Variants in TMEM26 observed in about 807,000 individuals in gnomAD.
TMEM26 encodes transmembrane protein 26.
A neutral mutation model predicts 28.8 loss-of-function variants in TMEM26; 38 were observed. The observed-to-expected ratio is 1.32, with a 90% CI of 1.02 to 1.73. The LOEUF (loss-of-function observed/expected upper bound fraction) is 1.73. TMEM26 is among the 40% of genes most tolerant of loss of function. The pLI is 0.00. For missense variants in TMEM26, 518 were observed against 447.1 expected (o/e 1.16, Z -1.43); for synonymous variants, 227 against 182.9 (o/e 1.24, Z -1.95).
At chr10:61,420,686 C>T (rs1839731129) in intron 4 of TMEM26, among the ~76,000 whole-genome samples, 1 of 150,294 alleles carries the variant, frequency 6.7e-6, no homozygotes, top group Non-Finnish European at 1.5e-5. Context: ...CAAAATTATC[C>T]TTTAAACATG....
In TMEM26 at chr10:61,440,889, G is replaced by T. The variant is rs370137050; in HGVS notation, c.192-4641C>A. 5.9e-4 allele frequency among the ~76,000 whole-genome samples: 90 copies of T among 152,250 alleles called. 1 individual carries two copies. In the South Asian group the frequency reaches 0.018, roughly 30 times the overall value. On this transcript the variant is annotated intron_variant, in intron 1 of 5. Transcript: ENST00000399298. ...AGAAACCCTGCAGGTAGCAAACACTGCAAATGCCTAACTTCTTTATATAAG... is the reference window on the plus strand; with the variant it reads ...AGAAACCCTGCAGGTAGCAAACACTTCAAATGCCTAACTTCTTTATATAAG...
At chr10:61,435,798 G>A (rs892617510) in intron 2 of TMEM26, among the ~76,000 whole-genome samples, 7 of 152,134 alleles carry the variant, frequency 4.6e-5, no homozygotes, top group Admixed American at 2.0e-4. Flanking sequence ...GATCATTGAG[G>A]CATGCCCATT....
intron 1 of TMEM26, among the ~76,000 whole-genome samples, chr10:61,442,585 G>A (rs535880455): frequency 6.6e-6 from 1 of 152,244 alleles, no homozygotes; most frequent in African/African-American, 2.4e-5. Context: ...CAAAAACAGA[G>A]TGAAGTTGTA....
rs1839525620 is a variant in TMEM26, at chr10:61,408,686, C to G, written c.*1636G>C. ...CTTCATATAAATATAATTTCTTGAT[C>G]TTAACTTTCATAAAATTATTATGGA... is the stretch of plus-strand genomic sequence containing the variant. On this transcript the variant is annotated 3_prime_UTR_variant, in exon 6 of 6. Transcript: ENST00000399298. 1.3e-5 allele frequency: 2 copies of G among 152,128 alleles called. No homozygotes were observed. The highest frequency in any genetic ancestry group is 1.3e-4 in the Admixed American group (2 of 15,262). The allele number at this position is 152,128 out of a possible 1,614,324, so 9.4% of individuals were successfully genotyped here. A position where few individuals can be genotyped will look rare whatever the true frequency, so the allele number is the denominator to read the frequency against.
At chr10:61,416,618 T>G (rs763890279) in intron 4 of TMEM26, among the ~76,000 whole-genome samples, 14 of 152,052 alleles carry the variant, frequency 9.2e-5, no homozygotes, top group Non-Finnish European at 1.5e-4. Context: ...GACTTTATTT[T>G]CCTTGCCTGA....
Position 61,452,882 on chromosome 10 carries a change from C to T in TMEM26, c.191+9G>A, listed in dbSNP as rs375963692. On this transcript the variant is annotated intron_variant, in intron 1 of 5. Transcript: ENST00000399298. ...CCCGTGCGCCCTCGCTTTCCCGGGG[C>T]ACTCTCACCATTTGTAGCCTCTGCC... 4 of 1,606,084 alleles carry T rather than the reference C, an allele frequency of 2.5e-6. No individual in the cohort carries two copies. Among genetic ancestry groups the T allele is most frequent in the African/African-American group, 2.7e-5 (2 of 74,762 alleles).
rs1338755084 is a variant in TMEM26 at position 61,407,223 on chromosome 10, T to C, written c.*3099A>G. ...ATCTTAAAGCATGTGCACCTACAAATGCATGCCTTTCCAGAGCTTTGGAAA... is the reference window on the plus strand; with the variant it reads ...ATCTTAAAGCATGTGCACCTACAAACGCATGCCTTTCCAGAGCTTTGGAAA... On this transcript the variant is annotated 3_prime_UTR_variant, in exon 6 of 6. Coordinates refer to ENST00000399298, the MANE Select transcript of TMEM26 (RefSeq NM_178505.8). 6.6e-6 allele frequency: 1 copy of C among 152,190 alleles called. No individual in the cohort carries two copies. The highest frequency in any genetic ancestry group is 1.5e-5 in the Non-Finnish European group (1 of 68,020). 9.4% of individuals were successfully genotyped at this position (152,190 alleles called of 1,614,324 possible). A position where few individuals can be genotyped will look rare whatever the true frequency, so the allele number is the denominator to read the frequency against.
Position 61,415,042 on chromosome 10 carries a change from G to T in TMEM26, c.606-1507C>A, listed in dbSNP as rs1409642872. 5 of 985,224 alleles carry T rather than the reference G, an allele frequency of 5.1e-6. No individual in the cohort carries two copies. In the African/African-American group the frequency reaches 8.7e-5, roughly 17 times the overall value. 61.0% of individuals were successfully genotyped at this position (985,224 alleles called of 1,614,324 possible). ...TCTTTTCTACTTCACATTTTATCAT[G>T]ACTTGGTGGACATTGATGGAAGGCT... On this transcript the variant is annotated intron_variant, in intron 4 of 5. Coordinates refer to ENST00000399298, the MANE Select transcript of TMEM26 (RefSeq NM_178505.8).
intron 1 of TMEM26, among the ~76,000 whole-genome samples, chr10:61,452,464 C>G (rs1275993071): frequency 1.3e-5 from 2 of 152,194 alleles, no homozygotes; most frequent in Non-Finnish European, 2.9e-5. Context: ...TCGCTGATGC[C>G]CAGCGAAGGA....
intron 1 of TMEM26, among the ~76,000 whole-genome samples, chr10:61,446,594 G>A (rs1840184497): frequency 6.6e-6 from 1 of 151,958 alleles, no homozygotes; most frequent in African/African-American, 2.4e-5. Context: ...GCCGAGGTGG[G>A]CTGATCACGA....
intron 1 of TMEM26, among the ~76,000 whole-genome samples, chr10:61,442,931 A>G (rs557401909): frequency 1.1e-4 from 17 of 152,234 alleles, no homozygotes; most frequent in African/African-American, 3.6e-4. Context: ...CGTGAACCCA[A>G]TGTTTTTGTG....
intron 4 of TMEM26, among the ~76,000 whole-genome samples, chr10:61,422,970 A>T (rs1839772980): frequency 6.6e-6 from 1 of 152,120 alleles, no homozygotes; most frequent in Non-Finnish European, 1.5e-5. Flanking sequence ...GCCTAAAAAT[A>T]CAAGATAAAA....
At chr10:61,414,981 A>T in intron 4 of TMEM26, 1 of 984,928 alleles carries the variant, frequency 1.0e-6, no homozygotes, top group Non-Finnish European at 1.2e-6. Flanking sequence ...CCACAGGGGG[A>T]CTCTCCAATG....
chr10:61,430,847 A>G (rs1014559990), intron 3 of TMEM26, among the ~76,000 whole-genome samples: 3 of 151,904 alleles, frequency 2.0e-5, no homozygotes, highest in Admixed American at 2.0e-4. Flanking sequence ...CTTCCTCCCA[A>G]TTTTTGCTGT....
intron 1 of TMEM26, among the ~76,000 whole-genome samples, chr10:61,438,999 C>A (rs537953168): frequency 1.3e-5 from 2 of 152,184 alleles, no homozygotes; most frequent in Non-Finnish European, 2.9e-5. Flanking sequence ...CAATCCTCAG[C>A]CTTGTTTAAC....
chr10:61,439,421 C>T (rs10994763), intron 1 of TMEM26, among the ~76,000 whole-genome samples: 5,695 of 152,182 alleles, frequency 0.037, 131 homozygotes, highest in Non-Finnish European at 0.055. Flanking sequence ...TAAGCAAATG[C>T]TTAAATATTT....
chr10:61,441,042 T>A (rs1462515952), intron 1 of TMEM26, among the ~76,000 whole-genome samples: 3 of 152,232 alleles, frequency 2.0e-5, no homozygotes, highest in African/African-American at 7.2e-5. Context: ...TTGTTTTTTA[T>A]TTGTATTATG....
intron 1 of TMEM26, among the ~76,000 whole-genome samples, chr10:61,442,440 CTCTG>C (rs546767388): frequency 3.5e-4 from 53 of 152,176 alleles, no homozygotes; most frequent in South Asian, 1.2e-3. Flanking sequence ...TTTAGTTTTT[CTCTG>C]TCTGTCTTCT....
chr10:61,420,405 T>C (rs1839725533), intron 4 of TMEM26, among the ~76,000 whole-genome samples: 1 of 151,948 alleles, frequency 6.6e-6, no homozygotes. Context: ...GCACACCCAA[T>C]GTAAGTTTTA....
Sources: allele counts gnomAD v4.1 joint callset (sites outside exome capture counted in the v4.1 genomes callset), GRCh38; gene constraint gnomAD v4.1.1; transcripts MANE v1.5; gene names NCBI Gene and HGNC (gene_info 2026-07-23, HGNC 2026-07-21).